The following USP13 variants were observed in gnomAD, a reference collection of about 807,000 sequenced individuals.
USP13 encodes the protein ubiquitin specific peptidase 13, also known as ubiquitin carboxyl-terminal hydrolase 13.
Under a neutral mutation model 107.8 loss-of-function variants are expected in USP13, and 68 were observed. The observed-to-expected ratio is 0.63, with a 90% CI of 0.52 to 0.77. The LOEUF (loss-of-function observed/expected upper bound fraction) is 0.77. USP13 is among the 30% of genes least tolerant of loss of function. The pLI, the probability that USP13 is intolerant of heterozygous loss-of-function variation, is 0.00. For synonymous variants in USP13, 377 were observed against 389.5 expected, an observed-to-expected ratio of 0.97 and a Z score of 0.38; for missense variants, 945 against 1,093.3, an observed-to-expected ratio of 0.86 and a Z score of 1.91.
At chr3:179,758,160 C>T (rs1476748021) in intron 16 of USP13, among the ~76,000 whole-genome samples, 1 of 152,010 alleles carries the variant, frequency 6.6e-6, no homozygotes, top group Non-Finnish European at 1.5e-5. Context: ...CTTCCTAGAT[C>T]TAGGAAGTTT....
intron 18 of USP13, among the ~76,000 whole-genome samples, chr3:179,764,684 A>T (rs922496918): frequency 6.6e-6 from 1 of 152,228 alleles, no homozygotes; most frequent in African/African-American, 2.4e-5. Context: ...GATACCAAGA[A>T]ACAAGGGACT....
chr3:179,665,171 A>G (rs866763903), intron 1 of USP13, among the ~76,000 whole-genome samples: 1 of 152,162 alleles, frequency 6.6e-6, no homozygotes, highest in Non-Finnish European at 1.5e-5. Context: ...CTTCCTGTGC[A>G]CTCTGCACTG....
At position 179,653,393 on chromosome 3, in the gene USP13, C is replaced by A. The variant is rs570604627; in HGVS notation, c.168C>A (p.Pro56=). ...AGTGCGCCTTCTCCTACGACTCTCC[C>A]GTAAGTGAGGCGCCTCGGGGGAGGG... ...KNECAFSYDS[P]NSEGGLYVCM... Residue 56 remains proline, a splice_region_variant and synonymous_variant, in exon 1 of 21, where the codon CCC becomes CCA. Coordinates refer to ENST00000263966, the MANE Select transcript of USP13 (RefSeq NM_003940.3). This position sits in a 1 kb window ranked among gnomAD's most constrained non-coding sequence, Gnocchi z 4.0. 6.4e-7 allele frequency: 1 copy of A among 1,556,570 alleles called. No individual in the cohort carries two copies. The highest frequency in any genetic ancestry group is 2.4e-5 in the East Asian group (1 of 41,352).
Position 179,653,112 on chromosome 3 carries a change from C to T in USP13, c.-114C>T. On this transcript the variant is annotated 5_prime_UTR_variant, in exon 1 of 21. Transcript: ENST00000263966. This position sits in a 1 kb window ranked among gnomAD's most constrained non-coding sequence, Gnocchi z 4.0. ...TCCCCGCCCGCCCCGGCTCGGCCGG[C>T]TGCCGTTGCCCGCGCAGCCCGCCCG... 2 of 926,502 alleles carry T rather than the reference C, an allele frequency of 2.2e-6. No individual in the cohort carries two copies. Among genetic ancestry groups the T allele is most frequent in the Non-Finnish European group, 2.6e-6 (2 of 776,778 alleles). The allele number at this position is 926,502 out of a possible 1,614,324, so 57.4% of individuals were successfully genotyped here. A position where few individuals can be genotyped will look rare whatever the true frequency, so the allele number is the denominator to read the frequency against.
chr3:179,687,354 A>G (rs1181566412), intron 2 of USP13, among the ~76,000 whole-genome samples: 2 of 151,980 alleles, frequency 1.3e-5, no homozygotes, highest in African/African-American at 2.4e-5. Flanking sequence ...CTGAGTGCTC[A>G]TTATCCTTAA....
At chr3:179,746,643 G>A (rs1332131228) in intron 13 of USP13, among the ~76,000 whole-genome samples, 2 of 152,126 alleles carry the variant, frequency 1.3e-5, no homozygotes, top group African/African-American at 4.8e-5. Context: ...TGTTGGTCAG[G>A]CTGGTCTCGA....
intron 6 of USP13, among the ~76,000 whole-genome samples, chr3:179,711,036 A>G (rs985747979): frequency 2.0e-5 from 3 of 152,222 alleles, no homozygotes; most frequent in Admixed American, 6.5e-5. Context: ...TCACTACTGC[A>G]GACTATAAAC....
chr3:179,726,345 A>G (rs978141047), intron 8 of USP13, among the ~76,000 whole-genome samples: 1 of 152,218 alleles, frequency 6.6e-6, no homozygotes, highest in African/African-American at 2.4e-5. Flanking sequence ...AAGTGGGCAG[A>G]GTGGGCACAT....
chr3:179,759,222 C>T (rs1714920399), intron 16 of USP13, among the ~76,000 whole-genome samples: 1 of 152,120 alleles, frequency 6.6e-6, no homozygotes, highest in African/African-American at 2.4e-5. Context: ...ACCTCGTCAT[C>T]TGCCCGCCTT....
intron 11 of USP13, among the ~76,000 whole-genome samples, chr3:179,741,170 G>A (rs972143324): frequency 3.3e-5 from 5 of 151,664 alleles, no homozygotes; most frequent in African/African-American, 7.3e-5. Flanking sequence ...TTAATGCCAC[G>A]CCCTGCAGCC....
At chr3:179,769,981 A>C (rs1454665065) in intron 19 of USP13, among the ~76,000 whole-genome samples, 1 of 152,220 alleles carries the variant, frequency 6.6e-6, no homozygotes, top group Admixed American at 6.5e-5. Flanking sequence ...ACTCTCCACA[A>C]ACACAGCAGG....
chr3:179,754,914 CTCTT>C, intron 15 of USP13, 60 bp downstream of exon 15: 7 of 1,515,916 alleles, frequency 4.6e-6, no homozygotes, highest in Non-Finnish European at 6.2e-6. Flanking sequence ...TAGGAACAGT[CTCTT>C]TCTTCCACCA....
At chr3:179,750,100 A>G (rs1398286285) in intron 13 of USP13, among the ~76,000 whole-genome samples, 1 of 151,756 alleles carries the variant, frequency 6.6e-6, no homozygotes. Context: ...CCCCATCTCT[A>G]CTAAAAATAC....
At position 179,754,819 on chromosome 3, in the gene USP13, T is replaced by G. The variant is rs745777932; in HGVS notation, c.1886T>G (p.Ile629Ser). The change falls in exon 15 of 21, where the codon ATC becomes AGC. Residue 629 changes from isoleucine (I) to serine (S), a missense_variant. Physicochemically the swap from Ile to Ser is moderately radical, Grantham distance 142. Transcript: ENST00000263966. ...CCAGGAGAGGAAGAACTTCCAGACATCAGCCCCCCCATAGTCATTCCTGAT... is the reference window on the plus strand; with the variant it reads ...CCAGGAGAGGAAGAACTTCCAGACAGCAGCCCCCCCATAGTCATTCCTGAT... ...LQPGEEELPD[I>S]SPPIVIPDDS... The G allele has an allele frequency of 6.2e-7, 1 of 1,612,948 alleles. No individual in the cohort carries two copies. The highest frequency in any genetic ancestry group is 8.5e-7 in the Non-Finnish European group (1 of 1,179,624).
In USP13 at chr3:179,786,969, C is replaced by G. The variant is rs1715930235; in HGVS notation, c.*2828C>G. The G allele has an allele frequency of 6.6e-6, 1 of 152,180 alleles. No homozygotes were observed. Among genetic ancestry groups the G allele is most frequent in the Admixed American group, 6.5e-5 (1 of 15,278 alleles). 9.4% of individuals were successfully genotyped at this position (152,180 alleles called of 1,614,324 possible). ...CAAAGTTTTTATTTTGCCAATTGAT[C>G]TAAATGCCCATATAACTAATCAGAA... On this transcript the variant is annotated 3_prime_UTR_variant, in exon 21 of 21. Coordinates refer to ENST00000263966, the MANE Select transcript of USP13 (RefSeq NM_003940.3).
At chr3:179,782,836 C>A (rs916201921) in intron 20 of USP13, among the ~76,000 whole-genome samples, 4 of 152,184 alleles carry the variant, frequency 2.6e-5, no homozygotes, top group Non-Finnish European at 5.9e-5. Context: ...ACCTCCGCCT[C>A]CCAAATTCAA....
At chr3:179,732,222 C>G (rs1231023519) in intron 10 of USP13, among the ~76,000 whole-genome samples, 1 of 152,162 alleles carries the variant, frequency 6.6e-6, no homozygotes, top group African/African-American at 2.4e-5. Flanking sequence ...ATCTGAGATA[C>G]AGTTGAGGAG....
chr3:179,664,534 T>C (rs764870443), intron 1 of USP13, among the ~76,000 whole-genome samples: 3 of 152,184 alleles, frequency 2.0e-5, no homozygotes, highest in East Asian at 1.9e-4. Flanking sequence ...AGATCCCACA[T>C]TGGGCCCCTC....
chr3:179,770,481 G>A (rs1715311418), intron 19 of USP13, among the ~76,000 whole-genome samples: 1 of 152,144 alleles, frequency 6.6e-6, no homozygotes, highest in African/African-American at 2.4e-5. Flanking sequence ...GGTTTGACTG[G>A]CATTACATTA....
Sources: allele counts gnomAD v4.1 joint callset (sites outside exome capture counted in the v4.1 genomes callset), GRCh38; gene constraint gnomAD v4.1.1; non-coding constraint Gnocchi (gnomAD v3.1); transcripts MANE v1.5; gene names NCBI Gene and HGNC (gene_info 2026-07-23, HGNC 2026-07-21).